The following HMGA2 variants were observed in gnomAD, a reference collection of about 807,000 sequenced individuals.
HMGA2 encodes the protein high mobility group AT-hook 2, also known as high mobility group protein HMGI-C.
HMGA2 carries 8 observed loss-of-function variants against 19.1 expected under a neutral mutation model. The observed-to-expected ratio is 0.42, with a 90% CI of 0.25 to 0.76. The LOEUF (loss-of-function observed/expected upper bound fraction) is 0.76, where lower values mean the gene tolerates loss of function less well. Among genes scored for constraint, HMGA2 ranks in the 30% least tolerant of loss-of-function variants. The pLI, the probability that HMGA2 is intolerant of heterozygous loss-of-function variation, is 0.28. For missense variants in HMGA2, 109 were observed against 136.3 expected, an observed-to-expected ratio of 0.80 and a Z score of 1.00; for synonymous variants, 60 against 48.8, an observed-to-expected ratio of 1.23 and a Z score of -0.96.
chr12:65,899,907 T>C (rs1277623486), intron 3 of HMGA2, among the ~76,000 whole-genome samples: 2 of 152,224 alleles, frequency 1.3e-5, no homozygotes, highest in Non-Finnish European at 2.9e-5. Flanking sequence ...CTTGGGGTTT[T>C]TCTACTATTC....
intron 3 of HMGA2, among the ~76,000 whole-genome samples, chr12:65,877,788 A>G (rs1373653495): frequency 6.6e-6 from 1 of 150,758 alleles, no homozygotes; most frequent in African/African-American, 2.4e-5. Context: ...TTTTTTTTTT[A>G]GGCCTCTTCC....
intron 3 of HMGA2, among the ~76,000 whole-genome samples, chr12:65,846,489 G>A (rs1377840784): frequency 6.6e-6 from 1 of 152,238 alleles, no homozygotes; most frequent in African/African-American, 2.4e-5. Flanking sequence ...ACCAGGGAAA[G>A]CCCGTGTTAT....
At chr12:65,937,969 A>T (rs1481500737) in intron 3 of HMGA2, among the ~76,000 whole-genome samples, 1 of 152,030 alleles carries the variant, frequency 6.6e-6, no homozygotes, top group African/African-American at 2.4e-5. Flanking sequence ...ACAGAAAGTG[A>T]CCCTCTCCAT....
chr12:65,843,428 G>A (rs756293586), intron 3 of HMGA2: 2 of 200,168 alleles, frequency 1.0e-5, no homozygotes, highest in African/African-American at 2.3e-5. Flanking sequence ...GACAGCAAGG[G>A]TTTTTTTCCC....
chr12:65,842,088 G>C, intron 3 of HMGA2: 1 of 1,288,116 alleles, frequency 7.8e-7, no homozygotes, highest in Non-Finnish European at 1.0e-6. Flanking sequence ...GTGTGTAGAA[G>C]AGGCTAGAGG....
At chr12:65,843,428 GT>G (rs1031151981) in intron 3 of HMGA2, 3 of 200,280 alleles carry the variant, frequency 1.5e-5, no homozygotes, top group East Asian at 7.7e-5. Flanking sequence ...GACAGCAAGG[GT>G]TTTTTTCCCC....
chr12:65,866,994 T>A (rs996528862), intron 3 of HMGA2: 14 of 455,926 alleles, frequency 3.1e-5, no homozygotes, highest in African/African-American at 2.2e-4. Context: ...GGGGGAGAAA[T>A]CAGTTCTGAT....
At chr12:65,889,177 A>G (rs1363920040) in intron 3 of HMGA2, among the ~76,000 whole-genome samples, 1 of 152,206 alleles carries the variant, frequency 6.6e-6, no homozygotes, top group African/African-American at 2.4e-5. Context: ...TCAACTAGAC[A>G]TTTAAGATTT....
intron 3 of HMGA2, among the ~76,000 whole-genome samples, chr12:65,862,683 A>C (rs7487126): frequency 6.6e-6 from 1 of 152,230 alleles, no homozygotes. Context: ...GAGTGGATTT[A>C]GAATTCAAGA....
At chr12:65,897,225 T>C (rs1874167103) in intron 3 of HMGA2, among the ~76,000 whole-genome samples, 1 of 152,198 alleles carries the variant, frequency 6.6e-6, no homozygotes, top group South Asian at 2.1e-4. Flanking sequence ...ATCCTTTGTG[T>C]TGCAAACAAT....
At chr12:65,837,958 A>G (rs1273374359) in intron 2 of HMGA2, among the ~76,000 whole-genome samples, 1 of 152,198 alleles carries the variant, frequency 6.6e-6, no homozygotes, top group African/African-American at 2.4e-5. Flanking sequence ...TAAATTAAAC[A>G]TGTAGAAGTG....
At chr12:65,953,077 A>G (rs1876509842) in intron 4 of HMGA2, 1 of 152,146 alleles carries the variant, frequency 6.6e-6, no homozygotes, top group Admixed American at 6.5e-5. Context: ...AATACTACAA[A>G]TCAGGACTTT....
At chr12:65,833,409 T>A (rs560048291) in intron 2 of HMGA2, among the ~76,000 whole-genome samples, 1 of 130,816 alleles carries the variant, frequency 7.6e-6, no homozygotes, top group African/African-American at 4.2e-5. Flanking sequence ...CAAATATTTT[T>A]CTAGTTTTTT....
Position 65,863,590 on chromosome 12 carries a change from A to G in HMGA2, c.249+25021A>G, listed in dbSNP as rs555222960. 8.9e-4 allele frequency among the ~76,000 whole-genome samples: 136 copies of G among 152,272 alleles called. 4 individuals are homozygous for G. In the South Asian group the frequency reaches 0.028, roughly 31 times the overall value. On this transcript the variant is annotated intron_variant, in intron 3 of 4. Coordinates refer to ENST00000403681, the MANE Select transcript of HMGA2 (RefSeq NM_003483.6). ...AGATTTCAAAGAAAAAAAAATCACA[A>G]CAATATCCTTTGCATGGACCAGATG...
At chr12:65,861,461 C>T (rs1233205775) in intron 3 of HMGA2, among the ~76,000 whole-genome samples, 1 of 152,172 alleles carries the variant, frequency 6.6e-6, no homozygotes, top group Non-Finnish European at 1.5e-5. Flanking sequence ...TTCCATGTGA[C>T]AAAACCTGTA....
At chr12:65,860,722 G>A (rs1235795228) in intron 3 of HMGA2, among the ~76,000 whole-genome samples, 2 of 152,158 alleles carry the variant, frequency 1.3e-5, no homozygotes, top group African/African-American at 4.8e-5. Flanking sequence ...AAAAAAGTAT[G>A]TCCACAGTAT....
chr12:65,938,677 C>T (rs1480710981), intron 3 of HMGA2, among the ~76,000 whole-genome samples: 2 of 151,994 alleles, frequency 1.3e-5, no homozygotes, highest in Admixed American at 1.3e-4. Context: ...GAGACAGGGT[C>T]TCACTTTGTC....
intron 3 of HMGA2, among the ~76,000 whole-genome samples, chr12:65,840,615 T>C (rs1870955504): frequency 6.6e-6 from 1 of 152,186 alleles, no homozygotes; most frequent in Non-Finnish European, 1.5e-5. Context: ...GCTTCCATTA[T>C]ACTCTAATGA....
chr12:65,894,677 T>G (rs897627141), intron 3 of HMGA2, among the ~76,000 whole-genome samples: 2 of 152,230 alleles, frequency 1.3e-5, no homozygotes, highest in Admixed American at 1.3e-4. Context: ...CATTAGTGTT[T>G]GCAAAACTAC....
Sources: gnomAD v4.1 joint callset for allele counts (sites outside exome capture counted in the v4.1 genomes callset) on GRCh38, gnomAD v4.1.1 for gene constraint, MANE v1.5 for transcripts, NCBI Gene and HGNC (gene_info 2026-07-23, HGNC 2026-07-21) for gene names.